The following FAT3 variants were observed in gnomAD, a reference collection of about 807,000 sequenced individuals.
The protein encoded by FAT3 is FAT atypical cadherin 3.
FAT3 carries 95 observed loss-of-function variants against 310.2 expected under a neutral mutation model. That is an observed-to-expected ratio of 0.31 (90% CI 0.26 to 0.36). The LOEUF (loss-of-function observed/expected upper bound fraction) is 0.36, where lower values mean the gene tolerates loss of function less well. Ranked by LOEUF, FAT3 falls within the 10% of genes least tolerant of loss-of-function variation. The probability of loss-of-function intolerance (pLI) is 1.00; values close to 1 mark genes in which losing one functional copy is unlikely to be tolerated. For missense variants in FAT3, 5,408 were observed against 5,715.6 expected, an observed-to-expected ratio of 0.95 and a Z score of 1.74; for synonymous variants, 2,314 against 2,192.9, an observed-to-expected ratio of 1.06 and a Z score of -1.54.
chr11:92,497,619 G>C (rs1238473382), intron 2 of FAT3, among the ~76,000 whole-genome samples: 2 of 152,004 alleles, frequency 1.3e-5, no homozygotes, highest in African/African-American at 4.8e-5. Flanking sequence ...CCTGTCTCCA[G>C]ATTTATGATA....
intron 6 of FAT3, among the ~76,000 whole-genome samples, chr11:92,771,896 C>T (rs922928252): frequency 2.0e-5 from 3 of 152,066 alleles, no homozygotes; most frequent in Admixed American, 1.3e-4. Context: ...TATTTTTATA[C>T]AGGGCCCTGG....
At chr11:92,739,097 G>A (rs1048455419) in intron 4 of FAT3, among the ~76,000 whole-genome samples, 2 of 152,112 alleles carry the variant, frequency 1.3e-5, no homozygotes, top group African/African-American at 4.8e-5. Context: ...TCCTAAGTCT[G>A]TCTAAGGCAA....
intron 4 of FAT3, among the ~76,000 whole-genome samples, chr11:92,756,916 ATTTTT>A (rs34317439): frequency 8.9e-5 from 8 of 90,298 alleles, no homozygotes; most frequent in Admixed American, 2.4e-4. Flanking sequence ...TTGTGGCTCC[ATTTTT>A]TTTTTTTTTT....
intron 22 of FAT3, among the ~76,000 whole-genome samples, chr11:92,877,508 C>T (rs1342885377): frequency 6.6e-6 from 1 of 152,106 alleles, no homozygotes; most frequent in Non-Finnish European, 1.5e-5. Flanking sequence ...GATGCTGAAA[C>T]TCACAACCAC....
intron 1 of FAT3, among the ~76,000 whole-genome samples, chr11:92,308,803 T>A (rs1565216072): frequency 6.6e-6 from 1 of 152,158 alleles, no homozygotes; most frequent in African/African-American, 2.4e-5. Context: ...CTTAAATGTG[T>A]GTGGCTTCTC....
chr11:92,761,817 A>C (rs1199288220), intron 4 of FAT3, 39 bp from the exon 5 acceptor site: 10 of 1,573,848 alleles, frequency 6.4e-6, no homozygotes, highest in Non-Finnish European at 7.8e-6. Flanking sequence ...AGCAAGAATA[A>C]TTTTCTCCTT....
chr11:92,831,558 A>G, intron 13 of FAT3, 64 bp from the exon 14 acceptor site: 1 of 1,410,902 alleles, frequency 7.1e-7, no homozygotes. Flanking sequence ...CAAAGCTGTA[A>G]CATTCTAGTG....
In FAT3 at chr11:92,358,520, T is replaced by TC. The variant is rs76589857; in HGVS notation, c.3292+3117dup. On this transcript the variant is annotated intron_variant, in intron 2 of 27. Coordinates refer to ENST00000525166, the MANE Select transcript of FAT3 (RefSeq NM_001367949.2). ...TCTTAGAAAACACAACTGGGTTTTT[T>TC]CTCTGTATTACAGGAAAAAAGGTTT... 6.1e-3 allele frequency among the ~76,000 whole-genome samples: 923 copies of TC among 152,204 alleles called. 9 individuals are homozygous for TC. The highest frequency in any genetic ancestry group is 0.045 in the East Asian group (231 of 5,168).
intron 2 of FAT3, among the ~76,000 whole-genome samples, chr11:92,434,345 G>A (rs1245743168): frequency 1.3e-5 from 2 of 152,146 alleles, no homozygotes; most frequent in African/African-American, 4.8e-5. Flanking sequence ...TATAAAAAGG[G>A]CGCATGTCTT....
intron 3 of FAT3, among the ~76,000 whole-genome samples, chr11:92,573,751 G>A (rs1938314254): frequency 6.6e-6 from 1 of 152,018 alleles, no homozygotes; most frequent in Non-Finnish European, 1.5e-5. Flanking sequence ...GTAGGAGAGA[G>A]TCATGGGACA....
At chr11:92,748,727 C>T (rs183104513) in intron 4 of FAT3, 32 of 152,212 alleles carry the variant, frequency 2.1e-4, no homozygotes, top group African/African-American at 7.2e-4. Flanking sequence ...TTCTTAATAC[C>T]AAATCATAGG....
intron 1 of FAT3, among the ~76,000 whole-genome samples, chr11:92,274,736 T>G (rs1203571210): frequency 6.6e-6 from 1 of 152,138 alleles, no homozygotes; most frequent in Non-Finnish European, 1.5e-5. Context: ...ATCTTAAATA[T>G]CATCTTAATA....
chr11:92,325,013 A>T (rs2134509843), intron 1 of FAT3, among the ~76,000 whole-genome samples: 1 of 152,326 alleles, frequency 6.6e-6, no homozygotes, highest in East Asian at 1.9e-4. Flanking sequence ...ATCACATTTA[A>T]AACCCGTTTC....
At chr11:92,888,800 C>T (rs547962443) in intron 25 of FAT3, among the ~76,000 whole-genome samples, 96 of 152,214 alleles carry the variant, frequency 6.3e-4, no homozygotes, top group African/African-American at 2.3e-3. Context: ...TAATTATCCC[C>T]GGAAATAGTG....
chr11:92,352,486 A>C lies in FAT3; in HGVS notation c.374A>C (p.Tyr125Ser). ...TTAAATAGGGAAATCCAGGATAATT[A>C]TTTATTGATAGTAAAAGGTTCTGTC... Reference protein sequence around the residue: ...AILNREIQDNYLLIVKGSVRG... With the variant: ...AILNREIQDNSLLIVKGSVRG... Residue 125 changes from tyrosine to serine, a missense_variant, in exon 2 of 28, where the codon TAT becomes TCT. Physicochemically the swap from Tyr to Ser is moderately radical, Grantham distance 144. Around this residue, in one of 5 missense-constraint regions of FAT3, gnomAD observed 152 missense variants for 188.3 expected, o/e 0.81. Transcript: ENST00000525166. 1 of 1,612,872 alleles carries C rather than the reference A, an allele frequency of 6.2e-7. No individual in the cohort carries two copies. The highest frequency in any genetic ancestry group is 1.1e-5 in the South Asian group (1 of 90,386).
intron 1 of FAT3, among the ~76,000 whole-genome samples, chr11:92,302,228 T>C (rs890739212): frequency 6.6e-6 from 1 of 152,126 alleles, no homozygotes; most frequent in African/African-American, 2.4e-5. Context: ...TTTGTAATGT[T>C]TTAAAATACT....
rs370765115 is a variant in FAT3, at chr11:92,494,429, T to C, written c.3293-30205T>C. ...ACATACCCAAATATATGAGTGAATT[T>C]CATGTTGTCTCCAGCATATAAGTAT... On this transcript the variant is annotated intron_variant, in intron 2 of 27. Transcript: ENST00000525166. Among the ~76,000 whole-genome samples, 21 of 152,196 alleles carry C rather than the reference T, an allele frequency of 1.4e-4. No homozygotes were observed. In the East Asian group the frequency reaches 3.5e-3, roughly 25 times the overall value.
At chr11:92,277,386 T>A (rs1261418170) in intron 1 of FAT3, among the ~76,000 whole-genome samples, 1 of 151,992 alleles carries the variant, frequency 6.6e-6, no homozygotes, top group Non-Finnish European at 1.5e-5. Flanking sequence ...AATAAACTGA[T>A]CTATCAAAAA....
At chr11:92,420,788 A>T (rs907451683) in intron 2 of FAT3, among the ~76,000 whole-genome samples, 3 of 152,164 alleles carry the variant, frequency 2.0e-5, no homozygotes, top group Admixed American at 2.0e-4. Context: ...TCCCAAAGGA[A>T]CACTTGATTC....
Sources: allele counts gnomAD v4.1 joint callset (sites outside exome capture counted in the v4.1 genomes callset), GRCh38; gene constraint gnomAD v4.1.1; regional missense constraint gnomAD v4.1.1; transcripts MANE v1.5; gene names NCBI Gene and HGNC (gene_info 2026-07-23, HGNC 2026-07-21).